Variants in MROH2A observed in about 807,000 individuals in gnomAD.
MROH2A encodes the protein maestro heat like repeat family member 2A.
MROH2A carries 174 observed loss-of-function variants against 200.4 expected under a neutral mutation model. The observed-to-expected ratio is 0.87, with a 90% confidence interval of 0.77 to 0.98. MROH2A has a LOEUF of 0.98. MROH2A is among the 50% of genes least tolerant of loss of function. The probability of loss-of-function intolerance (pLI) is 0.00; values close to 1 mark genes in which losing one functional copy is unlikely to be tolerated. For missense variants in MROH2A, 2,045 were observed against 2,139.6 expected, an observed-to-expected ratio of 0.96 and a Z score of 0.87; for synonymous variants, 829 against 840.4, an observed-to-expected ratio of 0.99 and a Z score of 0.23.
chr2:233,795,518 A>G, intron 8 of MROH2A, 135 bp from the exon 9 acceptor site: 3 of 1,355,508 alleles, frequency 2.2e-6, no homozygotes, highest in Non-Finnish European at 3.0e-6. Context: ...GTAGGGCCTG[A>G]GAGTCTGCAT....
intron 11 of MROH2A, among the ~76,000 whole-genome samples, chr2:233,798,216 C>T (rs771996521): frequency 5.9e-5 from 9 of 152,214 alleles, no homozygotes; most frequent in Non-Finnish European, 1.0e-4. Context: ...ATCAGTTGTA[C>T]AACTAGCAAA....
rs1473344994 is a variant in MROH2A at position 233,779,869 on chromosome 2, C to T, written c.276+17C>T. The T allele has an allele frequency of 6.5e-7, 1 of 1,545,206 alleles. No homozygotes were observed. Among genetic ancestry groups the T allele is most frequent in the Admixed American group, 2.0e-5 (1 of 50,846 alleles). On this transcript the variant is annotated intron_variant, in intron 3 of 41. Coordinates refer to ENST00000389758, the MANE Select transcript of MROH2A (RefSeq NM_001394639.1). The stretch of plus-strand genomic sequence containing the variant: ...GTGCCAGAGGTAGGGCCATCTTACC[C>T]ACTGGGCTCAGCCACCTTTAGCTCT...
chr2:233,816,606 G>C (rs1056494288), intron 26 of MROH2A, among the ~76,000 whole-genome samples, 175 bp from the exon 27 acceptor site: 2 of 152,150 alleles, frequency 1.3e-5, no homozygotes, highest in Non-Finnish European at 2.9e-5. Flanking sequence ...GAATGCTGGG[G>C]ATGCTCTTTC....
chr2:233,816,433 C>T (rs906225863), intron 26 of MROH2A, among the ~76,000 whole-genome samples: 2 of 152,144 alleles, frequency 1.3e-5, no homozygotes, highest in African/African-American at 4.8e-5. Context: ...GATGACATGA[C>T]CCTGTTTATC....
intron 39 of MROH2A, among the ~76,000 whole-genome samples, chr2:233,831,758 A>G (rs1704773057): frequency 6.6e-6 from 1 of 152,252 alleles, no homozygotes; most frequent in South Asian, 2.1e-4. Flanking sequence ...AGAAAAGTGC[A>G]GAGGTGAAAC....
Position 233,808,539 on chromosome 2 carries a change from T to A in MROH2A, c.2296-587T>A, listed in dbSNP as rs542247443. On this transcript the variant is annotated intron_variant, in intron 21 of 41. Coordinates refer to ENST00000389758, the MANE Select transcript of MROH2A (RefSeq NM_001394639.1). ...GGTCTGGTTGTTTGGATGAAGAAAA[T>A]CGAGAGAGTCCCAGGCTTTCTTCCA... 2.7e-4 allele frequency among the ~76,000 whole-genome samples: 41 copies of A among 152,004 alleles called. 2 individuals are homozygous for A. In the South Asian group the frequency reaches 8.5e-3, roughly 32 times the overall value.
chr2:233,816,332 C>T (rs1703523570), intron 26 of MROH2A, among the ~76,000 whole-genome samples: 2 of 152,152 alleles, frequency 1.3e-5, no homozygotes. Flanking sequence ...TTGGCTCTTT[C>T]ATTTTTTGCT....
rs190374093 is a variant in MROH2A, at chr2:233,818,668, C to T, written c.3102C>T (p.Ser1034=). Residue 1034 remains serine (S), a synonymous_variant, in exon 29 of 42, where the codon TCC becomes TCT. Coordinates refer to ENST00000389758, the MANE Select transcript of MROH2A (RefSeq NM_001394639.1). The part of the protein sequence containing the change: ...LLDLHASQTC[S]LWGPSKQKEL... ...TCCCGACAGCAAGCCAGACCTGCTC[C>T]TTGTGGGGCCCTTCCAAGCAGAAGG... 2.1e-4 allele frequency: 328 copies of T among 1,549,192 alleles called. No homozygotes were observed. In the African/African-American group the frequency reaches 2.1e-3, roughly 10 times the overall value.
Position 233,822,358 on chromosome 2 carries a change from T to C in MROH2A, c.3673-5T>C, listed in dbSNP as rs1015792341. The C allele has an allele frequency of 7.7e-6, 12 of 1,550,438 alleles. No homozygotes were observed. The highest frequency in any genetic ancestry group is 1.0e-5 in the Non-Finnish European group (12 of 1,146,810). ...AGCCCGATGCCCTGGACCTTCTCTC[T>C]GCAGACCCTGTGCACCATCCACCTT... On this transcript the variant is annotated splice_polypyrimidine_tract_variant and splice_region_variant and intron_variant, in intron 32 of 41. Coordinates refer to ENST00000389758, the MANE Select transcript of MROH2A (RefSeq NM_001394639.1).
In MROH2A at chr2:233,828,262, A is replaced by C. The variant is rs1368098760; in HGVS notation, c.4114-368A>C. Among the ~76,000 whole-genome samples, 1 of 152,198 alleles carries C rather than the reference A, an allele frequency of 6.6e-6. No individual in the cohort carries two copies. The highest frequency in any genetic ancestry group is 1.9e-4 in the East Asian group (1 of 5,202). On this transcript the variant is annotated intron_variant, in intron 35 of 41. Coordinates refer to ENST00000389758, the MANE Select transcript of MROH2A (RefSeq NM_001394639.1). The surrounding 1 kb of genome is among the most constrained non-coding windows in gnomAD (Gnocchi z 4.6). ...GTGAGGTTTTGGCACTCAGAATACT[A>C]GGCCATTAGTAATTCTCCTGAAAGT...
chr2:233,823,760 C>T lies in MROH2A; in HGVS notation c.4113+96C>T, dbSNP rs116634218. 1.3e-3 allele frequency: 1,902 copies of T among 1,467,790 alleles called. 5 individuals carry two copies. Among genetic ancestry groups the T allele is most frequent in the African/African-American group, 0.01 (725 of 71,666 alleles). 90.9% of individuals were successfully genotyped at this position (1,467,790 alleles called of 1,614,324 possible). A position where few individuals can be genotyped will look rare whatever the true frequency, so the allele number is the denominator to read the frequency against. ...TGGCTTGTCTCCAAGGCATGGGAGT[C>T]GGGGGGACAGGCGAGCGCCCCTCCT... On this transcript the variant is annotated intron_variant, in intron 35 of 41. Transcript: ENST00000389758.
chr2:233,793,849 G>T (rs1363946158), intron 7 of MROH2A, 25 bp downstream of exon 7: 1 of 1,373,916 alleles, frequency 7.3e-7, no homozygotes, highest in Non-Finnish European at 9.4e-7. Flanking sequence ...TCTTAGGAGG[G>T]CCTGGTGGTC....
chr2:233,778,878 G>A (rs1381957880), intron 1 of MROH2A, among the ~76,000 whole-genome samples: 1 of 152,202 alleles, frequency 6.6e-6, no homozygotes, highest in African/African-American at 2.4e-5. Context: ...CAGGAGTCTA[G>A]GCATGGCTTT....
chr2:233,804,362 A>G (rs780990654), intron 17 of MROH2A, 133 bp from the exon 18 acceptor site: 47 of 1,312,368 alleles, frequency 3.6e-5, no homozygotes, highest in Non-Finnish European at 4.3e-5. Flanking sequence ...GAGGAGTGCA[A>G]TGCAACGTGT....
chr2:233,792,315 CTT>C (rs550589309), intron 5 of MROH2A, among the ~76,000 whole-genome samples: 7 of 141,162 alleles, frequency 5.0e-5, no homozygotes, highest in Admixed American at 7.0e-5. Context: ...TTCTAGCTCA[CTT>C]TTTTTTTTTT....
chr2:233,792,578 G>C (rs1174735431), intron 5 of MROH2A, among the ~76,000 whole-genome samples: 1 of 152,158 alleles, frequency 6.6e-6, no homozygotes, highest in African/African-American at 2.4e-5. Flanking sequence ...CTCCCAAAGT[G>C]CTGGGATTAC....
chr2:233,775,894 G>A (rs566591501), upstream of MROH2A: 1 of 152,340 alleles, frequency 6.6e-6, no homozygotes, highest in African/African-American at 2.4e-5. Context: ...TGCTATTTGT[G>A]TGATAGTGAG....
At chr2:233,818,420 C>G (rs1049844207) in intron 28 of MROH2A, among the ~76,000 whole-genome samples, 14 of 152,244 alleles carry the variant, frequency 9.2e-5, no homozygotes, top group African/African-American at 2.6e-4. Context: ...TGTGACAGAG[C>G]TGGCCAGAGC....
Position 233,804,670 on chromosome 2 carries a change from T to G in MROH2A, c.1944+123T>G, listed in dbSNP as rs11563244. 3.9e-5 allele frequency: 34 copies of G among 864,718 alleles called. No individual in the cohort carries two copies. The South Asian group carries it at 5.3e-4, about 13-fold the overall frequency. 53.6% of individuals were successfully genotyped at this position (864,718 alleles called of 1,614,324 possible). On this transcript the variant is annotated intron_variant, in intron 18 of 41. Transcript: ENST00000389758. ...GCCCCTAAAGGACATGTTCTCCTTCTGTCAGAGAAGACTTGGGAGTTACAA... is the reference window on the plus strand; with the variant it reads ...GCCCCTAAAGGACATGTTCTCCTTCGGTCAGAGAAGACTTGGGAGTTACAA...
Sources: gnomAD v4.1 joint callset for allele counts (sites outside exome capture counted in the v4.1 genomes callset) on GRCh38, gnomAD v4.1.1 for gene constraint, Gnocchi (gnomAD v3.1) non-coding constraint, MANE v1.5 for transcripts, NCBI Gene and HGNC (gene_info 2026-07-23, HGNC 2026-07-21) for gene names.